Variants in LUZP2 observed in about 807,000 individuals in gnomAD.
The protein encoded by LUZP2 is leucine zipper protein 2.
A neutral mutation model predicts 51.6 loss-of-function variants in LUZP2; 52 were observed. The observed-to-expected ratio is 1.01, with a 90% CI of 0.81 to 1.27. The LOEUF (loss-of-function observed/expected upper bound fraction) is 1.27, where lower values mean the gene tolerates loss of function less well. Among genes scored for constraint, LUZP2 ranks in the 50% most tolerant of loss-of-function variants. The probability of loss-of-function intolerance (pLI) is 0.00; values close to 1 mark genes in which losing one functional copy is unlikely to be tolerated. For synonymous variants in LUZP2, 154 were observed against 137.3 expected (o/e 1.12, Z -0.85); for missense variants, 436 against 395.4 (o/e 1.10, Z -0.87).
chr11:24,726,425 C>T (rs929025278), intron 1 of LUZP2, among the ~76,000 whole-genome samples: 1 of 151,462 alleles, frequency 6.6e-6, no homozygotes, highest in Non-Finnish European at 1.5e-5. Context: ...ATCTCATGTG[C>T]CCCATAAATA....
At chr11:24,768,776 A>C (rs1304292392) in intron 5 of LUZP2, among the ~76,000 whole-genome samples, 12 of 34,992 alleles carry the variant, frequency 3.4e-4, no homozygotes, top group Non-Finnish European at 1.0e-3. Context: ...GATGTGGAGA[A>C]AGAACTGTTA....
intron 1 of LUZP2, among the ~76,000 whole-genome samples, chr11:24,506,674 T>A (rs1214946271): frequency 6.6e-6 from 1 of 152,106 alleles, no homozygotes; most frequent in Non-Finnish European, 1.5e-5. Flanking sequence ...ATCGTGTGTG[T>A]AGAAGTGCTA....
intron 5 of LUZP2, among the ~76,000 whole-genome samples, chr11:24,884,382 A>G (rs529897560): frequency 6.6e-6 from 1 of 152,138 alleles, no homozygotes; most frequent in South Asian, 2.1e-4. Context: ...TCTTATATAA[A>G]GCATACTGTA....
chr11:24,627,545 C>A (rs1219616402), intron 1 of LUZP2, among the ~76,000 whole-genome samples: 2 of 152,130 alleles, frequency 1.3e-5, no homozygotes, highest in African/African-American at 4.8e-5. Flanking sequence ...CCCAGGAAGG[C>A]CAAGAACATT....
At chr11:24,869,069 T>C (rs184527074) in intron 5 of LUZP2, among the ~76,000 whole-genome samples, 3 of 152,150 alleles carry the variant, frequency 2.0e-5, no homozygotes, top group Non-Finnish European at 4.4e-5. Flanking sequence ...GATTTTGCAC[T>C]CTGTGACAAG....
At chr11:25,077,272 C>A in intron 10 of LUZP2, 57 bp from the exon 11 acceptor site, 4 of 1,265,448 alleles carry the variant, frequency 3.2e-6, no homozygotes, top group Non-Finnish European at 4.6e-6. Flanking sequence ...TTTTGACTCC[C>A]CCCTCCACTT....
chr11:25,017,191 A>G (rs1334368481), intron 9 of LUZP2, among the ~76,000 whole-genome samples: 1 of 152,150 alleles, frequency 6.6e-6, no homozygotes, highest in Non-Finnish European at 1.5e-5. Flanking sequence ...ACAGAGGCAT[A>G]GTTTGCAAAT....
At chr11:25,073,158 C>T (rs992978878) in intron 10 of LUZP2, among the ~76,000 whole-genome samples, 11 of 152,194 alleles carry the variant, frequency 7.2e-5, no homozygotes, top group African/African-American at 2.7e-4. Context: ...AAGGATTACA[C>T]ATGACCATTG....
intron 5 of LUZP2, among the ~76,000 whole-genome samples, chr11:24,839,125 A>T (rs1850947018): frequency 6.6e-6 from 1 of 151,718 alleles, no homozygotes; most frequent in African/African-American, 2.4e-5. Flanking sequence ...AAATTACAAT[A>T]TCTGAGTTCT....
intron 1 of LUZP2, among the ~76,000 whole-genome samples, chr11:24,713,878 T>G (rs1177854412): frequency 4.3e-4 from 20 of 46,776 alleles, no homozygotes; most frequent in Non-Finnish European, 9.7e-5. Context: ...TTTTTTTTTG[T>G]AGAGACAGGG....
chr11:24,979,448 A>C (rs1305010780), intron 8 of LUZP2, among the ~76,000 whole-genome samples: 1 of 151,864 alleles, frequency 6.6e-6, no homozygotes, highest in African/African-American at 2.4e-5. Flanking sequence ...TCTTTATATG[A>C]GGCTTTTAAA....
intron 1 of LUZP2, among the ~76,000 whole-genome samples, chr11:24,635,764 G>A (rs368055131): frequency 2.0e-5 from 3 of 152,174 alleles, no homozygotes; most frequent in South Asian, 4.1e-4. Context: ...AGAGTGCTGG[G>A]GAGAACATTT....
intron 4 of LUZP2, among the ~76,000 whole-genome samples, chr11:24,748,418 G>A (rs144216575): frequency 5.3e-5 from 8 of 151,804 alleles, no homozygotes; most frequent in Admixed American, 5.2e-4. Context: ...GGTTCTGCGG[G>A]AGCAGTTTGC....
intron 10 of LUZP2, among the ~76,000 whole-genome samples, chr11:25,076,177 C>T (rs1377068136): frequency 6.6e-6 from 1 of 152,006 alleles, no homozygotes; most frequent in Admixed American, 6.6e-5. Context: ...TGCCACCACA[C>T]CCAGCTGCTT....
chr11:24,613,323 G>T (rs1369693214), intron 1 of LUZP2, among the ~76,000 whole-genome samples: 2 of 148,142 alleles, frequency 1.4e-5, no homozygotes, highest in Non-Finnish European at 3.0e-5. Context: ...GATGTGCATG[G>T]GTGCACACAC....
At chr11:24,766,066 G>A (rs1397457782) in intron 5 of LUZP2, among the ~76,000 whole-genome samples, 1 of 152,064 alleles carries the variant, frequency 6.6e-6, no homozygotes, top group African/African-American at 2.4e-5. Flanking sequence ...CTGCCAATCA[G>A]AGTATTTCAA....
At chr11:24,592,384 T>G (rs533140611) in intron 1 of LUZP2, among the ~76,000 whole-genome samples, 1 of 152,326 alleles carries the variant, frequency 6.6e-6, no homozygotes, top group African/African-American at 2.4e-5. Context: ...ATTAAAGTAT[T>G]TGTAATACTT....
intron 5 of LUZP2, among the ~76,000 whole-genome samples, chr11:24,815,519 A>G (rs996668188): frequency 3.3e-5 from 5 of 152,212 alleles, no homozygotes; most frequent in Non-Finnish European, 7.3e-5. Context: ...TCTTAATAAT[A>G]TAACTCTCCA....
intron 5 of LUZP2, among the ~76,000 whole-genome samples, chr11:24,879,423 G>C (rs1852381990): frequency 6.6e-6 from 1 of 152,096 alleles, no homozygotes; most frequent in Admixed American, 6.6e-5. Context: ...TATTCATTTT[G>C]CTATATACTC....
Sources: allele counts gnomAD v4.1 joint callset (sites outside exome capture counted in the v4.1 genomes callset), GRCh38; gene constraint gnomAD v4.1.1; transcripts MANE v1.5; gene names NCBI Gene and HGNC (gene_info 2026-07-23, HGNC 2026-07-21).